Variants in PCDH7 observed in about 807,000 individuals in gnomAD.
PCDH7 encodes the protein protocadherin 7.
A neutral mutation model predicts 58.9 loss-of-function variants in PCDH7; 17 were observed. The ratio of observed to expected loss-of-function variants is 0.29; its 90% CI spans 0.20 to 0.43. The LOEUF (loss-of-function observed/expected upper bound fraction) is 0.43. PCDH7 is among the 20% of genes least tolerant of loss of function. The pLI is 1.00. For synonymous variants in PCDH7, 664 were observed against 616.4 expected (o/e 1.08, Z -1.14); for missense variants, 1,274 against 1,441.0 (o/e 0.88, Z 1.88).
At chr4:31,087,991 T>C (rs1222121042) in intron 3 of PCDH7, among the ~76,000 whole-genome samples, 1 of 152,016 alleles carries the variant, frequency 6.6e-6, no homozygotes, top group East Asian at 1.9e-4. Flanking sequence ...GCAGTTAGGA[T>C]CTCTAATTGT....
In PCDH7 at chr4:30,752,195, G is replaced by C. The variant is rs1055980550; in HGVS notation, c.70+27599G>C. Among the ~76,000 whole-genome samples, 6 of 151,554 alleles carry C rather than the reference G, an allele frequency of 4.0e-5. No individual in the cohort carries two copies. The East Asian group carries it at 9.7e-4, about 24-fold the overall frequency. On this transcript the variant is annotated intron_variant, in intron 1 of 3. Transcript: ENST00000509759. ...CGCACCCAGGCTGGAGTGCAGTGGC[G>C]TGATCCCGGCTCACTGCAACTTCCG...
At chr4:30,779,796 T>C (rs1722554393) in intron 1 of PCDH7, among the ~76,000 whole-genome samples, 2 of 152,208 alleles carry the variant, frequency 1.3e-5, no homozygotes, top group Admixed American at 6.5e-5. Context: ...CTCTTCTCTG[T>C]GGGTGTTCAA....
chr4:31,116,220 TCA>T (rs1200743884), intron 3 of PCDH7, among the ~76,000 whole-genome samples: 1 of 152,176 alleles, frequency 6.6e-6, no homozygotes, highest in African/African-American at 2.4e-5. Flanking sequence ...CCTGCACACA[TCA>T]TGGTACCTGA....
chr4:30,875,472 T>C (rs1736165259), intron 1 of PCDH7, among the ~76,000 whole-genome samples: 1 of 152,082 alleles, frequency 6.6e-6, no homozygotes, highest in Admixed American at 6.6e-5. Context: ...AATCCATCTC[T>C]TTAATGTTAG....
chr4:31,104,863 T>C (rs1715349693), intron 3 of PCDH7, among the ~76,000 whole-genome samples: 1 of 152,128 alleles, frequency 6.6e-6, no homozygotes, highest in South Asian at 2.1e-4. Flanking sequence ...GTATGCCAAC[T>C]GAAAGGGAAG....
chr4:30,842,617 GTGATA>G (rs1333071871), intron 1 of PCDH7, among the ~76,000 whole-genome samples: 1 of 152,160 alleles, frequency 6.6e-6, no homozygotes, highest in African/African-American at 2.4e-5. Flanking sequence ...TATACATGAT[GTGATA>G]TGATTACACT....
intron 1 of PCDH7, among the ~76,000 whole-genome samples, chr4:30,796,444 T>C (rs1352698311): frequency 6.6e-6 from 1 of 152,212 alleles, no homozygotes; most frequent in East Asian, 1.9e-4. Flanking sequence ...GCAAGAGTTC[T>C]CTCTTTCTAT....
At chr4:30,838,567 T>C (rs1308001748) in intron 1 of PCDH7, among the ~76,000 whole-genome samples, 1 of 152,180 alleles carries the variant, frequency 6.6e-6, no homozygotes, top group Non-Finnish European at 1.5e-5. Context: ...TCAGAAAGCT[T>C]ATCTAGAAAA....
At chr4:30,744,686 T>C (rs1717541159) in intron 1 of PCDH7, among the ~76,000 whole-genome samples, 1 of 152,220 alleles carries the variant, frequency 6.6e-6, no homozygotes, top group Admixed American at 6.5e-5. Flanking sequence ...TTGATTTCCT[T>C]CTCCTTTATC....
At chr4:31,011,165 G>A (rs547399104) in intron 3 of PCDH7, among the ~76,000 whole-genome samples, 1 of 151,866 alleles carries the variant, frequency 6.6e-6, no homozygotes, top group Non-Finnish European at 1.5e-5. Context: ...CAACCACAAG[G>A]TTACAGTTTT....
intron 3 of PCDH7, among the ~76,000 whole-genome samples, chr4:30,982,363 A>T (rs927826916): frequency 2.0e-5 from 3 of 152,080 alleles, no homozygotes; most frequent in African/African-American, 7.2e-5. Flanking sequence ...CAGTTCTCTC[A>T]CTTTCAACTT....
intron 1 of PCDH7, among the ~76,000 whole-genome samples, chr4:30,842,654 A>G (rs2109339616): frequency 6.6e-6 from 1 of 152,250 alleles, no homozygotes; most frequent in South Asian, 2.1e-4. Context: ...GTGAGGTTGG[A>G]ATGTGAACAG....
At chr4:30,807,812 G>C (rs1396289846) in intron 1 of PCDH7, among the ~76,000 whole-genome samples, 1 of 151,954 alleles carries the variant, frequency 6.6e-6, no homozygotes, top group Non-Finnish European at 1.5e-5. Flanking sequence ...CATTGATAGA[G>C]AGGGCCCAGA....
chr4:30,798,734 A>G (rs889274576), intron 1 of PCDH7, among the ~76,000 whole-genome samples: 16 of 152,212 alleles, frequency 1.1e-4, no homozygotes, highest in African/African-American at 3.9e-4. Flanking sequence ...GGCTATCTTG[A>G]TGTTGAAGGC....
At chr4:30,832,376 G>T (rs1249328218) in intron 1 of PCDH7, among the ~76,000 whole-genome samples, 1 of 151,912 alleles carries the variant, frequency 6.6e-6, no homozygotes, top group East Asian at 1.9e-4. Flanking sequence ...GGATACATCT[G>T]GTATATTCTG....
rs533044340 is a variant in PCDH7 at position 30,843,245 on chromosome 4, A to G, written c.71-76908A>G. On this transcript the variant is annotated intron_variant, in intron 1 of 3. Transcript: ENST00000509759. ...CAGGCAGAGTCTCACTCTGTTGCCC[A>G]GGGTGGAGTGCAGTGGTGCAATCTG... is the stretch of plus-strand genomic sequence containing the variant. Among the ~76,000 whole-genome samples, 5 of 152,172 alleles carry G rather than the reference A, an allele frequency of 3.3e-5. No homozygotes were observed. The South Asian group carries it at 1.0e-3, about 32-fold the overall frequency.
intron 2 of PCDH7, among the ~76,000 whole-genome samples, chr4:30,929,853 T>C (rs943416972): frequency 7.2e-5 from 11 of 152,156 alleles, no homozygotes; most frequent in African/African-American, 2.7e-4. Flanking sequence ...TTCAGTTCCT[T>C]ATGAGGCCAC....
chr4:30,803,471 T>C (rs1037252207), intron 1 of PCDH7, among the ~76,000 whole-genome samples: 6 of 152,110 alleles, frequency 3.9e-5, no homozygotes, highest in African/African-American at 1.4e-4. Context: ...AGGGTCTTGC[T>C]CTGTCACCTA....
intron 1 of PCDH7, among the ~76,000 whole-genome samples, chr4:30,852,827 A>AG (rs1242554811): frequency 3.5e-5 from 4 of 115,738 alleles, no homozygotes; most frequent in Admixed American, 8.6e-5. Flanking sequence ...TATCAAGCAC[A>AG]GGAAAAAAAA....
Sources: allele counts gnomAD v4.1 joint callset (sites outside exome capture counted in the v4.1 genomes callset), GRCh38; gene constraint gnomAD v4.1.1; transcripts MANE v1.5; gene names NCBI Gene and HGNC (gene_info 2026-07-23, HGNC 2026-07-21).